The following PWWP2A variants were observed in gnomAD, a reference collection of about 807,000 sequenced individuals.
PWWP2A encodes the protein PWWP domain-containing protein 2A.
Under a neutral mutation model 48.5 loss-of-function variants are expected in PWWP2A, and 18 were observed. The observed-to-expected ratio is 0.37, with a 90% confidence interval of 0.26 to 0.55. The LOEUF (loss-of-function observed/expected upper bound fraction) is 0.55, where lower values mean the gene tolerates loss of function less well. PWWP2A is among the 20% of genes least tolerant of loss of function. PWWP2A has a pLI of 0.81. For missense variants in PWWP2A, 867 were observed against 976.4 expected (o/e 0.89, Z 1.49); for synonymous variants, 396 against 387.7 (o/e 1.02, Z -0.25).
chr5:160,091,136 C>T (rs1316126443), downstream of PWWP2A: 5 of 981,354 alleles, frequency 5.1e-6, no homozygotes, highest in Non-Finnish European at 6.1e-6. Context: ...TATCAAACCT[C>T]TATACTACAA....
intron 3 of PWWP2A, among the ~76,000 whole-genome samples, chr5:160,079,457 C>T (rs1246922219): frequency 6.6e-6 from 1 of 151,708 alleles, no homozygotes; most frequent in African/African-American, 2.4e-5. Context: ...AAATGATTTA[C>T]ACTGTTTTAA....
downstream of PWWP2A, among the ~76,000 whole-genome samples, chr5:160,088,387 C>T (rs563171395): frequency 8.9e-4 from 136 of 152,260 alleles, no homozygotes; most frequent in Non-Finnish European, 1.6e-3. Context: ...CGTATGCCAC[C>T]ATGCGCAGCT....
intron 2 of PWWP2A, among the ~76,000 whole-genome samples, chr5:160,084,676 C>T (rs906683210): frequency 6.6e-6 from 1 of 152,108 alleles, no homozygotes. Context: ...AATGATGCTC[C>T]TGCCTCGGTC....
At position 160,117,792 on chromosome 5, in the gene PWWP2A, T is replaced by G. The variant is rs1758292725; in HGVS notation, c.584+1013A>C. 3 of 688,940 alleles carry G rather than the reference T, an allele frequency of 4.4e-6. No homozygotes were observed. The Admixed American group carries it at 1.9e-4, about 43-fold the overall frequency. 42.7% of individuals were successfully genotyped at this position (688,940 alleles called of 1,614,324 possible). A position where few individuals can be genotyped will look rare whatever the true frequency, so the allele number is the denominator to read the frequency against. ...ATGGGAAAGAAGGATTCCTGGGTCT[T>G]GATGGGAGAGCAAGCAAGTTTAAGA... On this transcript the variant is annotated intron_variant, in intron 1 of 1. Transcript: ENST00000307063.
intron 2 of PWWP2A, among the ~76,000 whole-genome samples, chr5:160,070,363 G>C (rs192154062): frequency 1.2e-3 from 184 of 152,036 alleles, no homozygotes; most frequent in Non-Finnish European, 2.4e-3. Context: ...GCCCCAGCTA[G>C]TTGGGAGGCT....
rs553405390 is a variant in PWWP2A at position 160,119,450 on chromosome 5, T to C, written c.-62A>G. The stretch of plus-strand genomic sequence containing the variant: ...CAGCGGCGGCGGCGACAGCGCTGCT[T>C]GGTTCCCTGGGCCTTCCCCTCCCTC... On this transcript the variant is annotated 5_prime_UTR_variant, in exon 1 of 2. Coordinates refer to ENST00000307063, the MANE Select transcript of PWWP2A (RefSeq NM_001130864.2). The C allele has an allele frequency of 3.9e-5, 52 of 1,350,310 alleles. No homozygotes were observed. The Middle Eastern group carries it at 8.3e-4, about 21-fold the overall frequency. 83.6% of individuals were successfully genotyped at this position (1,350,310 alleles called of 1,614,324 possible).
At chr5:160,055,528 G>C in the PWWP2A span, among the ~76,000 whole-genome samples, 2 of 152,206 alleles carry the variant, frequency 1.3e-5, no homozygotes, top group Admixed American at 1.3e-4. Flanking sequence ...CAGATATGGT[G>C]CCCAGAACAT....
the PWWP2A span, among the ~76,000 whole-genome samples, chr5:160,048,322 T>C: frequency 3.3e-5 from 5 of 151,946 alleles, no homozygotes; most frequent in African/African-American, 4.8e-5. Context: ...CAGCTAATTT[T>C]TGTATTTTTA....
chr5:160,054,276 G>T, the PWWP2A span, among the ~76,000 whole-genome samples: 1 of 152,140 alleles, frequency 6.6e-6, no homozygotes, highest in Non-Finnish European at 1.5e-5. Flanking sequence ...TGCTTTATTT[G>T]CTTTCTCTCT....
rs990172267 is a variant in PWWP2A, at chr5:160,119,094, C to T, written c.295G>A (p.Val99Met). 6.3e-7 allele frequency: 1 copy of T among 1,588,522 alleles called. No individual in the cohort carries two copies. Among genetic ancestry groups the T allele is most frequent in the Middle Eastern group, 1.7e-4 (1 of 6,036 alleles). ...LEAEEKLSVRVAESAAAAPQG... is the reference protein window; with the variant it reads ...LEAEEKLSVRMAESAAAAPQG... Reference sequence around the variant, plus strand: ...GGCGCGGCTGCCGCCGACTCCGCCACCCGAACGGACAGTTTCTCCTCAGCC... The same window carrying T: ...GGCGCGGCTGCCGCCGACTCCGCCATCCGAACGGACAGTTTCTCCTCAGCC... The change falls in exon 1 of 2, where the codon GTG (valine) becomes ATG (methionine). Residue 99 changes from valine to methionine, a missense_variant. Physicochemically the swap from Val to Met is conservative, Grantham distance 21. This residue lies in a region of PWWP2A where 385 missense variants were observed against 396.9 expected (regional missense o/e 0.97). Coordinates refer to ENST00000307063, the MANE Select transcript of PWWP2A (RefSeq NM_001130864.2).
At chr5:160,109,289 A>G (rs577848549) in intron 1 of PWWP2A, among the ~76,000 whole-genome samples, 14 of 151,968 alleles carry the variant, frequency 9.2e-5, no homozygotes, top group African/African-American at 2.7e-4. Context: ...CAGCTACACA[A>G]GCATTTTCGA....
chr5:160,060,819 T>G (rs958967729), downstream of PWWP2A, among the ~76,000 whole-genome samples: 17 of 152,260 alleles, frequency 1.1e-4, no homozygotes, highest in Non-Finnish European at 2.4e-4. Context: ...TTGTTGATTC[T>G]ACCATACTGT....
intron 1 of PWWP2A, among the ~76,000 whole-genome samples, chr5:160,112,455 T>C (rs1757690908): frequency 6.6e-6 from 1 of 151,968 alleles, no homozygotes; most frequent in Non-Finnish European, 1.5e-5. Flanking sequence ...CTCCTGACCT[T>C]ACGTGACCCA....
chr5:160,109,671 A>G (rs1757244978), intron 1 of PWWP2A, among the ~76,000 whole-genome samples: 3 of 149,796 alleles, frequency 2.0e-5, no homozygotes, highest in South Asian at 4.2e-4. Flanking sequence ...AGAGGCCTTG[A>G]TAAGGCTGTG....
Position 160,118,825 on chromosome 5 carries a change from G to T in PWWP2A, c.564C>A (p.Val188=). ...FRFGEKLFSG[V]LMDLSKRFGP... ...GGTACCTTTTGGACAGATCCATGAG[G>T]ACCCCGGAGAAGAGCTTCTCCCCGA... is the stretch of plus-strand genomic sequence containing the variant. The change falls in exon 1 of 2, where the codon GTC becomes GTA. Residue 188 remains valine, a synonymous_variant. Coordinates refer to ENST00000307063, the MANE Select transcript of PWWP2A (RefSeq NM_001130864.2). The T allele has an allele frequency of 1.3e-6, 2 of 1,558,850 alleles. No homozygotes were observed. The highest frequency in any genetic ancestry group is 1.7e-6 in the Non-Finnish European group (2 of 1,153,274).
intron 1 of PWWP2A, among the ~76,000 whole-genome samples, chr5:160,117,179 G>C (rs550617465): frequency 6.6e-5 from 10 of 152,186 alleles, no homozygotes; most frequent in African/African-American, 9.7e-5. Context: ...AGGAGTGCAG[G>C]CCGGGCACAG....
At chr5:160,109,598 T>C (rs886749565) in intron 1 of PWWP2A, among the ~76,000 whole-genome samples, 1 of 150,962 alleles carries the variant, frequency 6.6e-6, no homozygotes, top group South Asian at 2.1e-4. Context: ...ACCTAAAAGT[T>C]TGCCAGCAGG....
chr5:160,102,735 C>T (rs17057453), intron 1 of PWWP2A, among the ~76,000 whole-genome samples: 12,016 of 152,194 alleles, frequency 0.079, 702 homozygotes, highest in Admixed American at 0.19. Flanking sequence ...AATGAGGGCA[C>T]ATGGCTATCA....
chr5:160,095,844 G>C (rs550300578), intron 1 of PWWP2A, among the ~76,000 whole-genome samples: 1 of 151,918 alleles, frequency 6.6e-6, no homozygotes, highest in South Asian at 2.1e-4. Flanking sequence ...ACAGACACAC[G>C]TCACCATGCC....
Sources: gnomAD v4.1 joint callset for allele counts (sites outside exome capture counted in the v4.1 genomes callset) on GRCh38, gnomAD v4.1.1 for gene constraint, gnomAD v4.1.1 regional missense constraint, MANE v1.5 for transcripts, NCBI Gene and HGNC (gene_info 2026-07-23, HGNC 2026-07-21) for gene names.